The following SPAG16 variants were observed in gnomAD, a reference collection of about 807,000 sequenced individuals.
SPAG16 encodes the protein sperm-associated antigen 16 protein.
A neutral mutation model predicts 80.4 loss-of-function variants in SPAG16; 86 were observed. The observed-to-expected ratio is 1.07, with a 90% CI of 0.90 to 1.28. The LOEUF (loss-of-function observed/expected upper bound fraction) is 1.28. Ranked by LOEUF, SPAG16 falls within the 50% of genes most tolerant of loss-of-function variation. The pLI is 0.00. For missense variants in SPAG16, 870 were observed against 765.3 expected (o/e 1.14, Z -1.61); for synonymous variants, 294 against 265.9 (o/e 1.11, Z -1.03).
chr2:213,828,360 T>A (rs1221989352), intron 10 of SPAG16, among the ~76,000 whole-genome samples: 1 of 152,194 alleles, frequency 6.6e-6, no homozygotes, highest in Non-Finnish European at 1.5e-5. Context: ...CCAGAATTTC[T>A]TCTTGATTTT....
At chr2:214,074,461 A>C (rs991657198) in intron 13 of SPAG16, among the ~76,000 whole-genome samples, 3 of 152,226 alleles carry the variant, frequency 2.0e-5, no homozygotes, top group Non-Finnish European at 4.4e-5. Flanking sequence ...TTTAAAGAAG[A>C]TAATGGAAGG....
At chr2:214,159,534 A>G (rs999611408) in intron 15 of SPAG16, among the ~76,000 whole-genome samples, 1 of 152,028 alleles carries the variant, frequency 6.6e-6, no homozygotes, top group African/African-American at 2.4e-5. Context: ...CAGAACAAAT[A>G]GCACACTACT....
rs183626907 is a variant in SPAG16 at position 213,858,719 on chromosome 2, A to G, written c.1071-3766A>G. Among the ~76,000 whole-genome samples the G allele has an allele frequency of 8.7e-4, 133 of 152,152 alleles. 2 individuals are homozygous for G. The highest frequency in any genetic ancestry group is 7.7e-3 in the Admixed American group (118 of 15,274). On this transcript the variant is annotated intron_variant, in intron 10 of 15. Transcript: ENST00000331683. Reference sequence around the variant, plus strand: ...TGAATCCTATAAAGTATTAGTTATTACTCCTATTCTTCAGCTTCTTCAAAA... The same window carrying G: ...TGAATCCTATAAAGTATTAGTTATTGCTCCTATTCTTCAGCTTCTTCAAAA...
intron 10 of SPAG16, among the ~76,000 whole-genome samples, chr2:213,546,274 T>G (rs1005650562): frequency 6.6e-6 from 1 of 152,160 alleles, no homozygotes; most frequent in Non-Finnish European, 1.5e-5. Context: ...TCTCCATCTG[T>G]TTCCTGTTCA....
chr2:214,173,978 A>G (rs1414687435), intron 15 of SPAG16, among the ~76,000 whole-genome samples: 1 of 152,052 alleles, frequency 6.6e-6, no homozygotes, highest in Non-Finnish European at 1.5e-5. Context: ...CAAAAACCAC[A>G]TGATTATCTC....
chr2:213,888,116 G>T (rs2076635886), intron 11 of SPAG16, among the ~76,000 whole-genome samples: 1 of 151,900 alleles, frequency 6.6e-6, no homozygotes, highest in Non-Finnish European at 1.5e-5. Context: ...AACTGTGGAT[G>T]CTTTGAATAG....
chr2:213,892,722 A>C (rs2106085904), intron 11 of SPAG16, among the ~76,000 whole-genome samples: 2 of 152,304 alleles, frequency 1.3e-5, no homozygotes, highest in South Asian at 2.1e-4. Context: ...TGAAAGAGTC[A>C]GTGGACTCAA....
chr2:214,382,818 G>C (rs1440653459), intron 15 of SPAG16, among the ~76,000 whole-genome samples: 1 of 152,190 alleles, frequency 6.6e-6, no homozygotes, highest in African/African-American at 2.4e-5. Context: ...CAGGTACAGA[G>C]AGCATCATGG....
chr2:214,063,859 A>G (rs542926794), intron 13 of SPAG16, among the ~76,000 whole-genome samples: 52 of 152,284 alleles, frequency 3.4e-4, no homozygotes, highest in South Asian at 3.3e-3. Flanking sequence ...TTTATTATCT[A>G]TCTCTCCTCT....
chr2:213,641,142 C>G (rs1210394312), intron 10 of SPAG16, among the ~76,000 whole-genome samples: 1 of 152,068 alleles, frequency 6.6e-6, no homozygotes, highest in African/African-American at 2.4e-5. Flanking sequence ...GGGGGTTGTT[C>G]TCAAGCCAAT....
chr2:214,155,785 G>A (rs968842151), intron 15 of SPAG16, among the ~76,000 whole-genome samples: 1 of 152,154 alleles, frequency 6.6e-6, no homozygotes, highest in Non-Finnish European at 1.5e-5. Flanking sequence ...GAACCACCGT[G>A]TTGGCTCATG....
intron 12 of SPAG16, among the ~76,000 whole-genome samples, chr2:213,948,802 T>C (rs1389417065): frequency 5.9e-5 from 9 of 152,174 alleles, no homozygotes; most frequent in Non-Finnish European, 4.4e-5. Flanking sequence ...AATAAATGTA[T>C]TTTACACATA....
intron 10 of SPAG16, among the ~76,000 whole-genome samples, chr2:213,519,807 T>C (rs1559214721): frequency 1.3e-5 from 2 of 152,184 alleles, no homozygotes; most frequent in African/African-American, 2.4e-5. Context: ...TAGTATACTC[T>C]TTGTTTTGAG....
intron 10 of SPAG16, among the ~76,000 whole-genome samples, chr2:213,757,641 C>A (rs533270350): frequency 1.3e-5 from 2 of 152,004 alleles, no homozygotes; most frequent in South Asian, 4.1e-4. Context: ...GCTTGCATGG[C>A]GAATTATGAT....
intron 5 of SPAG16, among the ~76,000 whole-genome samples, chr2:213,331,300 G>C (rs1191797042): frequency 6.6e-6 from 1 of 152,176 alleles, no homozygotes; most frequent in Non-Finnish European, 1.5e-5. Context: ...GGACCCCACT[G>C]CCTTGAAGGG....
chr2:214,309,991 T>G (rs970277524), intron 15 of SPAG16, among the ~76,000 whole-genome samples: 1 of 152,208 alleles, frequency 6.6e-6, no homozygotes, highest in African/African-American at 2.4e-5. Context: ...TTGAGCTTCC[T>G]TATAGTCTAT....
At chr2:213,533,135 T>G (rs2076127445) in intron 10 of SPAG16, among the ~76,000 whole-genome samples, 1 of 152,206 alleles carries the variant, frequency 6.6e-6, no homozygotes, top group Non-Finnish European at 1.5e-5. Context: ...ATATGTGATA[T>G]TAAATGAAAA....
At chr2:213,877,825 A>T (rs2217160) in intron 11 of SPAG16, among the ~76,000 whole-genome samples, 90,016 of 151,692 alleles carry the variant, frequency 0.59, 28,594 homozygotes, top group South Asian at 0.85. Flanking sequence ...TCCATGTGCC[A>T]ATCTCAATTC....
At chr2:214,225,702 G>T (rs183372025) in intron 15 of SPAG16, among the ~76,000 whole-genome samples, 1 of 152,178 alleles carries the variant, frequency 6.6e-6, no homozygotes, top group East Asian at 1.9e-4. Flanking sequence ...TGTGATTGTT[G>T]TGTGTCCAAT....
Sources: allele counts gnomAD v4.1 joint callset (sites outside exome capture counted in the v4.1 genomes callset), GRCh38; gene constraint gnomAD v4.1.1; transcripts MANE v1.5; gene names NCBI Gene and HGNC (gene_info 2026-07-23, HGNC 2026-07-21).